DNASE1: variants seen among roughly 807,000 people sequenced by gnomAD.
DNASE1 encodes the protein deoxyribonuclease-1.
DNASE1 carries 40 observed loss-of-function variants against 33.9 expected under a neutral mutation model. The ratio of observed to expected loss-of-function variants is 1.18; its 90% confidence interval spans 0.92 to 1.54. DNASE1 has a LOEUF of 1.54. Ranked by LOEUF, DNASE1 falls within the 40% of genes most tolerant of loss-of-function variation. The pLI is 0.00. For missense variants in DNASE1, 518 were observed against 372.6 expected (o/e 1.39, Z -3.21); for synonymous variants, 216 against 160.0 (o/e 1.35, Z -2.64).
chr16:3,650,226 T>TA (rs1298045281), upstream of DNASE1, among the ~76,000 whole-genome samples: 3 of 152,230 alleles, frequency 2.0e-5, no homozygotes, highest in Admixed American at 6.5e-5. Context: ...AGTAGTGTCT[T>TA]ACTCTAGCAT....
At position 3,626,815 on chromosome 16, in the gene DNASE1, T is replaced by C. The variant is rs546460818; in HGVS notation, c.-1358-13900T>C. Reference sequence around the variant, plus strand: ...TTAGATGCGTATGCACTTAGGATTATGCTGTCTTGATGAATTGACCTTTTT... The same window carrying C: ...TTAGATGCGTATGCACTTAGGATTACGCTGTCTTGATGAATTGACCTTTTT... On this transcript the variant is annotated intron_variant and NMD_transcript_variant, in intron 1 of 11. Transcript: ENST00000570769. Among the ~76,000 whole-genome samples, 35 of 152,356 alleles carry C rather than the reference T, an allele frequency of 2.3e-4. No homozygotes were observed. In the South Asian group the frequency reaches 7.0e-3, roughly 31 times the overall value.
At chr16:3,628,698 A>G (rs1459272506) in intron 1 of DNASE1, among the ~76,000 whole-genome samples, 3 of 151,376 alleles carry the variant, frequency 2.0e-5, no homozygotes, top group East Asian at 2.0e-4. Flanking sequence ...AGCTGGGACT[A>G]TAGGCGCCCG....
chr16:3,615,064 G>C (rs1488789200), intron 1 of DNASE1, among the ~76,000 whole-genome samples: 1 of 151,178 alleles, frequency 6.6e-6, no homozygotes, highest in Non-Finnish European at 1.5e-5. Context: ...ATCACCTGTG[G>C]AATTTTTTTT....
chr16:3,640,739 C>T (rs1319396849), upstream of DNASE1: 2 of 398,520 alleles, frequency 5.0e-6, no homozygotes, highest in Non-Finnish European at 8.8e-6. Flanking sequence ...ATGGGAACAG[C>T]AAGATGGCAA....
exon 10 of DNASE1, chr16:3,664,040 G>A (rs900688055): frequency 1.3e-5 from 6 of 477,878 alleles, no homozygotes; most frequent in African/African-American, 1.2e-4. Context: ...TCTAGCCTGG[G>A]CGAGAGAGCA....
At chr16:3,652,858 C>G (rs1284263811), upstream of DNASE1, 3 of 152,406 alleles carry the variant, frequency 2.0e-5, no homozygotes, top group Non-Finnish European at 4.4e-5. Flanking sequence ...TATTCATTTC[C>G]TGCAGTTCTC....
chr16:3,651,533 C>G (rs1318409567), upstream of DNASE1: 1 of 152,316 alleles, frequency 6.6e-6, no homozygotes, highest in African/African-American at 2.4e-5. Flanking sequence ...TTGTACCCCA[C>G]TCACTCCCCT....
chr16:3,619,742 C>G (rs1033753802), intron 1 of DNASE1, among the ~76,000 whole-genome samples: 1 of 151,312 alleles, frequency 6.6e-6, no homozygotes. Flanking sequence ...AATTCCTGGG[C>G]TCAAGTGGTT....
At chr16:3,624,762 C>T (rs1037384883) in intron 1 of DNASE1, among the ~76,000 whole-genome samples, 1 of 152,202 alleles carries the variant, frequency 6.6e-6, no homozygotes. Context: ...GTCACTGCAT[C>T]CTCTGCCTCC....
intron 1 of DNASE1, among the ~76,000 whole-genome samples, chr16:3,648,556 TG>T (rs2042240611): frequency 6.6e-6 from 1 of 152,108 alleles, no homozygotes. Context: ...AGAGGCAGGC[TG>T]CAGTGCAGAG....
intron 1 of DNASE1, among the ~76,000 whole-genome samples, chr16:3,624,626 A>G (rs1442163389): frequency 6.6e-6 from 1 of 152,210 alleles, no homozygotes; most frequent in Non-Finnish European, 1.5e-5. Context: ...AGCCATTCCC[A>G]GTGGTGGCCC....
At chr16:3,643,755 A>T (rs929386656) in intron 1 of DNASE1, among the ~76,000 whole-genome samples, 2 of 151,958 alleles carry the variant, frequency 1.3e-5, no homozygotes, top group South Asian at 2.1e-4. Context: ...TTTTTATTTT[A>T]TTATTTTATT....
intron 1 of DNASE1, among the ~76,000 whole-genome samples, chr16:3,625,694 C>G (rs2041486714): frequency 6.6e-6 from 1 of 152,100 alleles, no homozygotes; most frequent in Admixed American, 6.6e-5. Flanking sequence ...AGGGAATCTT[C>G]ATGACTTTGG....
chr16:3,662,561 C>T (rs1182042725), downstream of DNASE1: 7 of 577,616 alleles, frequency 1.2e-5, no homozygotes, highest in Admixed American at 2.3e-5. Flanking sequence ...ATGTGAGCTC[C>T]TGAGGGCTGG....
chr16:3,626,587 A>G (rs1337626800), intron 1 of DNASE1, among the ~76,000 whole-genome samples: 1 of 152,188 alleles, frequency 6.6e-6, no homozygotes, highest in Non-Finnish European at 1.5e-5. Flanking sequence ...GAACACTTGA[A>G]AACACTATAT....
At chr16:3,655,129 T>TGAGGCG (rs2042509234) in intron 1 of DNASE1, 85 bp downstream of exon 1, 1 of 602,464 alleles carries the variant, frequency 1.7e-6, no homozygotes, top group African/African-American at 1.9e-5. Context: ...CAGCAGCGAG[T>TGAGGCG]GAGGCGGAGG....
exon 10 of DNASE1, chr16:3,663,634 G>T: frequency 6.3e-7 from 1 of 1,590,602 alleles, no homozygotes; most frequent in Non-Finnish European, 8.5e-7. Flanking sequence ...GGATGAGGGC[G>T]GCAGGAGGGC....
chr16:3,656,906 C>T (rs1026065574), intron 5 of DNASE1, 93 bp from the exon 6 acceptor site: 44 of 1,554,806 alleles, frequency 2.8e-5, no homozygotes, highest in South Asian at 7.0e-5. Flanking sequence ...ATCCACCCCC[C>T]GGGGGGACTG....
chr16:3,645,686 A>T (rs577930134), intron 1 of DNASE1, among the ~76,000 whole-genome samples: 85 of 152,306 alleles, frequency 5.6e-4, no homozygotes, highest in Admixed American at 4.4e-3. Flanking sequence ...GGGTTGGGGA[A>T]GGGGCGGTCT....
Sources: allele counts gnomAD v4.1 joint callset (sites outside exome capture counted in the v4.1 genomes callset), GRCh38; gene constraint gnomAD v4.1.1; transcripts MANE v1.5; gene names NCBI Gene and HGNC (gene_info 2026-07-23, HGNC 2026-07-21).